The following RBFOX1 variants were observed in gnomAD, a reference collection of about 807,000 sequenced individuals.
The protein encoded by RBFOX1 is RNA binding fox-1 homolog 1, also known as RNA binding protein fox-1 homolog 1.
Under a neutral mutation model 57.7 loss-of-function variants are expected in RBFOX1, and 8 were observed. The ratio of observed to expected loss-of-function variants is 0.14; its 90% CI spans 0.08 to 0.25. The LOEUF (loss-of-function observed/expected upper bound fraction) is 0.25. RBFOX1 is among the 10% of genes least tolerant of loss of function. RBFOX1 has a pLI of 1.00. For synonymous variants in RBFOX1, 326 were observed against 222.4 expected, an observed-to-expected ratio of 1.47 and a Z score of -4.15; for missense variants, 611 against 548.5, an observed-to-expected ratio of 1.11 and a Z score of -1.14.
intron 4 of RBFOX1, among the ~76,000 whole-genome samples, chr16:7,203,071 C>G (rs575930934): frequency 1.3e-5 from 2 of 152,276 alleles, no homozygotes; most frequent in East Asian, 3.9e-4. Context: ...CAGGCGTGAG[C>G]CACTGCACCC....
chr16:6,595,265 A>G (rs1169085510), intron 2 of RBFOX1, among the ~76,000 whole-genome samples: 3 of 152,110 alleles, frequency 2.0e-5, no homozygotes, highest in African/African-American at 7.2e-5. Flanking sequence ...CTCTATCTCT[A>G]TAGGTTTACC....
chr16:5,333,618 T>C (rs901968360), intron 1 of RBFOX1, among the ~76,000 whole-genome samples: 1 of 152,218 alleles, frequency 6.6e-6, no homozygotes, highest in African/African-American at 2.4e-5. Flanking sequence ...TACTGTCATA[T>C]GTCGCATAAT....
At chr16:6,234,025 A>G (rs952957519) in intron 1 of RBFOX1, among the ~76,000 whole-genome samples, 1 of 152,142 alleles carries the variant, frequency 6.6e-6, no homozygotes, top group African/African-American at 2.4e-5. Flanking sequence ...TCTGGAGGGG[A>G]AGAATGCCGT....
intron 4 of RBFOX1, among the ~76,000 whole-genome samples, chr16:7,182,909 C>A (rs113880010): frequency 6.6e-6 from 1 of 152,162 alleles, no homozygotes; most frequent in African/African-American, 2.4e-5. Context: ...CAATTACATG[C>A]CCTGGTCATA....
At chr16:5,530,933 TAAAAAAAAAAAAAAAAAAAAAAAAAAAA>T (rs59311923) in intron 2 of RBFOX1, among the ~76,000 whole-genome samples, 24 of 55,000 alleles carry the variant, frequency 4.4e-4, no homozygotes, top group Non-Finnish European at 6.2e-4. Context: ...ACTAAAAATA[TAAAAAAAAAAAAAAAAAAAAAAAAAAAA>T]AAAAAAAAAA....
intron 3 of RBFOX1, among the ~76,000 whole-genome samples, chr16:6,959,687 T>G (rs901201788): frequency 1.3e-5 from 2 of 152,140 alleles, no homozygotes; most frequent in East Asian, 1.9e-4. Flanking sequence ...CTGTAATCTC[T>G]AAACTTGGGG....
At chr16:6,167,366 C>G (rs964023137) in intron 1 of RBFOX1, among the ~76,000 whole-genome samples, 1 of 152,160 alleles carries the variant, frequency 6.6e-6, no homozygotes, top group African/African-American at 2.4e-5. Context: ...AGCTTGCCTT[C>G]GATTTTAAGC....
chr16:7,376,464 C>G (rs1412773065), intron 4 of RBFOX1, among the ~76,000 whole-genome samples: 1 of 152,164 alleles, frequency 6.6e-6, no homozygotes. Context: ...TGCCTGAGGT[C>G]AAACATGCTG....
intron 4 of RBFOX1, among the ~76,000 whole-genome samples, chr16:7,073,704 CAAA>C (rs959752852): frequency 3.3e-5 from 5 of 150,964 alleles, no homozygotes; most frequent in Non-Finnish European, 5.9e-5. Flanking sequence ...AAAATATATA[CAAA>C]AAAAAATTAC....
intron 3 of RBFOX1, among the ~76,000 whole-genome samples, chr16:7,022,744 C>T (rs1215015680): frequency 5.3e-5 from 8 of 152,132 alleles, no homozygotes; most frequent in African/African-American, 1.4e-4. Flanking sequence ...TTAGTATGGG[C>T]CAAACAGTTT....
At chr16:7,264,356 A>G (rs2095047683) in intron 4 of RBFOX1, among the ~76,000 whole-genome samples, 1 of 152,250 alleles carries the variant, frequency 6.6e-6, no homozygotes, top group Non-Finnish European at 1.5e-5. Context: ...CCAAGATCTT[A>G]TGAGAAACTC....
chr16:5,867,743 A>T (rs1473266399), intron 4 of RBFOX1, among the ~76,000 whole-genome samples: 1 of 151,194 alleles, frequency 6.6e-6, no homozygotes, highest in Non-Finnish European at 1.5e-5. Context: ...ACAGAGTCTC[A>T]CTCTGTTGCC....
chr16:7,133,282 A>C (rs540416077), intron 4 of RBFOX1, among the ~76,000 whole-genome samples: 1 of 152,316 alleles, frequency 6.6e-6, no homozygotes, highest in African/African-American at 2.4e-5. Flanking sequence ...TTTGTATATA[A>C]GCCATGGAGA....
At chr16:5,577,739 C>G (rs1003927366) in intron 2 of RBFOX1, among the ~76,000 whole-genome samples, 1 of 152,018 alleles carries the variant, frequency 6.6e-6, no homozygotes, top group African/African-American at 2.4e-5. Flanking sequence ...TGATCAAACA[C>G]GTTAATATTC....
rs776943189 is a variant in RBFOX1 at position 7,653,882 on chromosome 16, C to T, written c.825C>T (p.Arg275=). The T allele has an allele frequency of 1.2e-5, 20 of 1,601,976 alleles. No homozygotes were observed. The highest frequency in any genetic ancestry group is 5.0e-5 in the Admixed American group (3 of 59,872). The part of the protein sequence containing the change: ...AAYRGAHLRG[R]GRTVYNTFRA... ...ACCGAGGGGCGCACCTGCGAGGCCG[C>T]GGTCGCACCGTGTACAACACCTTCA... The change falls in exon 12 of 16, where the codon CGC becomes CGT. Residue 275 remains arginine, a synonymous_variant. Transcript: ENST00000550418.
chr16:7,043,969 CA>C (rs1383051024), intron 3 of RBFOX1, among the ~76,000 whole-genome samples: 1 of 152,054 alleles, frequency 6.6e-6, no homozygotes, highest in African/African-American at 2.4e-5. Context: ...TTCAATTCTC[CA>C]AGACAAGTTG....
At chr16:7,663,192 C>T (rs936106596) in intron 12 of RBFOX1, among the ~76,000 whole-genome samples, 7 of 152,164 alleles carry the variant, frequency 4.6e-5, no homozygotes, top group East Asian at 1.9e-4. Context: ...ACCCCCCAAC[C>T]GACATTCTCT....
chr16:7,673,256 G>C (rs2072170394), intron 13 of RBFOX1, among the ~76,000 whole-genome samples: 2 of 152,166 alleles, frequency 1.3e-5, no homozygotes, highest in Admixed American at 1.3e-4. Flanking sequence ...AATTCTCTGA[G>C]ATGCCTTGGA....
intron 2 of RBFOX1, among the ~76,000 whole-genome samples, chr16:6,407,992 T>G (rs2093344171): frequency 2.0e-5 from 3 of 152,102 alleles, no homozygotes; most frequent in Admixed American, 2.0e-4. Flanking sequence ...GACCTCTCAG[T>G]AATGGGGTTT....
Sources: gnomAD v4.1 joint callset for allele counts (sites outside exome capture counted in the v4.1 genomes callset) on GRCh38, gnomAD v4.1.1 for gene constraint, MANE v1.5 for transcripts, NCBI Gene and HGNC (gene_info 2026-07-23, HGNC 2026-07-21) for gene names.